Variants in GPR158 observed in about 807,000 individuals in gnomAD.
GPR158 encodes the protein metabotropic glycine receptor.
A neutral mutation model predicts 78.2 loss-of-function variants in GPR158; 30 were observed. That is an observed-to-expected ratio of 0.38 (90% CI 0.29 to 0.52). The LOEUF (loss-of-function observed/expected upper bound fraction) is 0.52, where lower values mean the gene tolerates loss of function less well. Ranked by LOEUF, GPR158 falls within the 20% of genes least tolerant of loss-of-function variation. The pLI, the probability that GPR158 is intolerant of heterozygous loss-of-function variation, is 0.83. For missense variants in GPR158, 1,463 were observed against 1,523.5 expected (o/e 0.96, Z 0.66); for synonymous variants, 581 against 591.1 (o/e 0.98, Z 0.25).
intron 2 of GPR158, among the ~76,000 whole-genome samples, chr10:25,383,331 A>G (rs940949410): frequency 1.1e-4 from 17 of 152,326 alleles, no homozygotes; most frequent in African/African-American, 3.6e-4. Flanking sequence ...TCAGTAATCA[A>G]TACAGCAGGA....
rs148577195 is a variant in GPR158, at chr10:25,579,291, G to A, written c.1753+6404G>A. Reference sequence around the variant, plus strand: ...TATTCCCCTATGAGTTTTCTAATTGGATAATACAAACTGACAAGTAAGTAG... The same window carrying A: ...TATTCCCCTATGAGTTTTCTAATTGAATAATACAAACTGACAAGTAAGTAG... On this transcript the variant is annotated intron_variant, in intron 7 of 10. Transcript: ENST00000376351. Among the ~76,000 whole-genome samples the A allele has an allele frequency of 2.1e-3, 319 of 151,890 alleles. 12 individuals are homozygous for A. The South Asian group carries it at 0.048, about 23-fold the overall frequency.
rs550045440 is a variant in GPR158 at position 25,595,819 on chromosome 10, G to A, written c.1999-824G>A. Among the ~76,000 whole-genome samples the A allele has an allele frequency of 2.6e-4, 40 of 152,250 alleles. No homozygotes were observed. In the South Asian group the frequency reaches 8.1e-3, roughly 31 times the overall value. On this transcript the variant is annotated intron_variant, in intron 9 of 10. Coordinates refer to ENST00000376351, the MANE Select transcript of GPR158 (RefSeq NM_020752.3). The stretch of plus-strand genomic sequence containing the variant: ...ATTCTGGAATTAAATAGTGATGATG[G>A]TTGCACAACCTCATGAATGTACCAA...
At chr10:25,256,295 C>T (rs1190290262) in intron 2 of GPR158, among the ~76,000 whole-genome samples, 1 of 152,238 alleles carries the variant, frequency 6.6e-6, no homozygotes, top group Admixed American at 6.5e-5. Context: ...GAGATAATTT[C>T]CAAGAACGTG....
chr10:25,424,450 T>C (rs528670722), intron 4 of GPR158, among the ~76,000 whole-genome samples: 1 of 151,930 alleles, frequency 6.6e-6, no homozygotes, highest in African/African-American at 2.4e-5. Flanking sequence ...AGACATGAAG[T>C]CCTTGCCCAT....
chr10:25,404,174 C>T (rs1262463136), intron 3 of GPR158, among the ~76,000 whole-genome samples: 1 of 152,068 alleles, frequency 6.6e-6, no homozygotes, highest in Non-Finnish European at 1.5e-5. Context: ...CACTCAATAT[C>T]AAAAGCTCTG....
chr10:25,489,668 T>C (rs1287099220), intron 5 of GPR158, among the ~76,000 whole-genome samples: 2 of 152,064 alleles, frequency 1.3e-5, no homozygotes, highest in African/African-American at 2.4e-5. Flanking sequence ...CCAGAGGAGA[T>C]TTCCTTAGAC....
chr10:25,255,358 A>G (rs1853876398), intron 2 of GPR158, among the ~76,000 whole-genome samples: 1 of 152,236 alleles, frequency 6.6e-6, no homozygotes, highest in African/African-American at 2.4e-5. Flanking sequence ...ATTGCTACAT[A>G]AACTACAACA....
chr10:25,272,295 G>T (rs1293584430), intron 2 of GPR158, among the ~76,000 whole-genome samples: 3 of 152,044 alleles, frequency 2.0e-5, no homozygotes, highest in Non-Finnish European at 4.4e-5. Context: ...TTTCTTATTT[G>T]CTTTTTGATT....
intron 5 of GPR158, among the ~76,000 whole-genome samples, chr10:25,486,097 A>C (rs532730244): frequency 6.6e-6 from 1 of 152,200 alleles, no homozygotes; most frequent in East Asian, 1.9e-4. Context: ...CGGAGAAATA[A>C]ATTTCTGTTG....
intron 5 of GPR158, among the ~76,000 whole-genome samples, chr10:25,477,279 C>T (rs751668709): frequency 3.6e-4 from 54 of 152,100 alleles, no homozygotes; most frequent in South Asian, 1.0e-3. Context: ...GAGAATATAG[C>T]GAAAGCAGCC....
intron 4 of GPR158, among the ~76,000 whole-genome samples, chr10:25,413,656 A>C (rs1213899507): frequency 6.6e-6 from 1 of 152,240 alleles, no homozygotes; most frequent in Non-Finnish European, 1.5e-5. Flanking sequence ...AATTAAAAAA[A>C]ATACCCTCTG....
At chr10:25,254,256 G>T (rs971510533) in intron 2 of GPR158, among the ~76,000 whole-genome samples, 14 of 152,060 alleles carry the variant, frequency 9.2e-5, no homozygotes, top group African/African-American at 3.4e-4. Flanking sequence ...AACATCCATG[G>T]AGATACCTTG....
chr10:25,386,681 A>ATCATTTTATTCTTTTTGATATTT (rs1396382521), intron 2 of GPR158, among the ~76,000 whole-genome samples: 1 of 152,048 alleles, frequency 6.6e-6, no homozygotes, highest in African/African-American at 2.4e-5. Flanking sequence ...GTTACTCCTA[A>ATCATTTTATTCTTTTTGATATTT]TCATTTTATT....
chr10:25,416,658 A>G (rs866770695), intron 4 of GPR158, among the ~76,000 whole-genome samples: 1 of 152,316 alleles, frequency 6.6e-6, no homozygotes, highest in South Asian at 2.1e-4. Context: ...GTTTGTTACT[A>G]TAATACTTTC....
intron 4 of GPR158, among the ~76,000 whole-genome samples, chr10:25,417,092 CA>C (rs1588852753): frequency 1.3e-5 from 2 of 152,048 alleles, no homozygotes; most frequent in East Asian, 3.9e-4. Flanking sequence ...AGATGAAATT[CA>C]AATATTCCTG....
chr10:25,407,941 G>C (rs1834536276), intron 3 of GPR158, among the ~76,000 whole-genome samples: 2 of 151,976 alleles, frequency 1.3e-5, no homozygotes, highest in Admixed American at 1.3e-4. Flanking sequence ...CCCTAATCCT[G>C]CAAAAACTAA....
chr10:25,397,605 TTCTTGG>T (rs1834379946), intron 3 of GPR158, among the ~76,000 whole-genome samples: 1 of 152,212 alleles, frequency 6.6e-6, no homozygotes, highest in South Asian at 2.1e-4. Flanking sequence ...GAAGGCACTA[TTCTTGG>T]TCTTGAGACT....
At chr10:25,496,310 G>T (rs534276815) in intron 5 of GPR158, among the ~76,000 whole-genome samples, 1 of 152,094 alleles carries the variant, frequency 6.6e-6, no homozygotes, top group African/African-American at 2.4e-5. Flanking sequence ...TATACTACGG[G>T]ATCCTTTGGA....
intron 3 of GPR158, among the ~76,000 whole-genome samples, chr10:25,397,436 T>G (rs1426578923): frequency 3.9e-5 from 6 of 152,312 alleles, no homozygotes; most frequent in Admixed American, 3.9e-4. Flanking sequence ...TTTTAAATAG[T>G]TACCCATAAA....
Sources: allele counts gnomAD v4.1 joint callset (sites outside exome capture counted in the v4.1 genomes callset), GRCh38; gene constraint gnomAD v4.1.1; transcripts MANE v1.5; gene names NCBI Gene and HGNC (gene_info 2026-07-23, HGNC 2026-07-21).